Variants in ADGRB3 observed in about 807,000 individuals in gnomAD.
The protein encoded by ADGRB3 is adhesion G protein-coupled receptor B3.
A neutral mutation model predicts 193.4 loss-of-function variants in ADGRB3; 37 were observed. That is an observed-to-expected ratio of 0.19 (90% CI 0.15 to 0.25). ADGRB3 has a LOEUF of 0.25. ADGRB3 is among the 10% of genes least tolerant of loss of function. The pLI, the probability that ADGRB3 is intolerant of heterozygous loss-of-function variation, is 1.00. For synonymous variants in ADGRB3, 690 were observed against 644.2 expected (o/e 1.07, Z -1.08); for missense variants, 1,637 against 1,852.9 (o/e 0.88, Z 2.14).
chr6:68,827,217 G>C (rs1767861412), intron 3 of ADGRB3, among the ~76,000 whole-genome samples: 2 of 151,990 alleles, frequency 1.3e-5, no homozygotes, highest in South Asian at 4.2e-4. Context: ...TGTTAAGTGT[G>C]GTGTCCTGGA....
At chr6:69,220,893 A>G (rs922822803) in intron 17 of ADGRB3, among the ~76,000 whole-genome samples, 1 of 152,002 alleles carries the variant, frequency 6.6e-6, no homozygotes, top group African/African-American at 2.4e-5. Context: ...TTATCACTAA[A>G]TCACTATCTA....
chr6:68,752,340 A>C (rs1360112361), intron 3 of ADGRB3, among the ~76,000 whole-genome samples: 1 of 149,122 alleles, frequency 6.7e-6, no homozygotes, highest in Non-Finnish European at 1.5e-5. Context: ...GCAATGGTGC[A>C]ATCTCAGCTC....
intron 3 of ADGRB3, among the ~76,000 whole-genome samples, chr6:68,925,343 C>T (rs868763073): frequency 5.9e-5 from 9 of 151,928 alleles, no homozygotes; most frequent in Non-Finnish European, 1.2e-4. Flanking sequence ...GTCACTGTGC[C>T]ACTTCTGTTT....
chr6:69,139,561 G>A (rs1026091464), intron 17 of ADGRB3, among the ~76,000 whole-genome samples: 1 of 152,100 alleles, frequency 6.6e-6, no homozygotes, highest in Admixed American at 6.5e-5. Flanking sequence ...CTTATATATA[G>A]AAAATGCAGA....
intron 17 of ADGRB3, chr6:69,232,609 A>G: frequency 6.5e-7 from 1 of 1,535,654 alleles, no homozygotes; most frequent in African/African-American, 1.4e-5. Flanking sequence ...GACTGAGTGA[A>G]GTGTGGAGTA....
At chr6:69,100,895 A>C (rs1324340215) in intron 17 of ADGRB3, among the ~76,000 whole-genome samples, 2 of 104,186 alleles carry the variant, frequency 1.9e-5, no homozygotes, top group African/African-American at 4.1e-5. Flanking sequence ...GGAAGGAAGG[A>C]AGGAAGAAGC....
chr6:68,775,389 G>A (rs1192499566), intron 3 of ADGRB3, among the ~76,000 whole-genome samples: 1 of 152,026 alleles, frequency 6.6e-6, no homozygotes, highest in Non-Finnish European at 1.5e-5. Flanking sequence ...ACTAGACGTG[G>A]TTATAGAGAG....
At chr6:69,245,132 A>G (rs1766470667) in intron 20 of ADGRB3, among the ~76,000 whole-genome samples, 1 of 151,942 alleles carries the variant, frequency 6.6e-6, no homozygotes, top group Non-Finnish European at 1.5e-5. Context: ...CATGGAGTAA[A>G]TCTAATAAAT....
chr6:69,065,371 C>T (rs1771871250), intron 16 of ADGRB3, among the ~76,000 whole-genome samples: 1 of 152,152 alleles, frequency 6.6e-6, no homozygotes, highest in Admixed American at 6.6e-5. Flanking sequence ...ACAACTGAGC[C>T]TCTCTGGGCT....
intron 3 of ADGRB3, among the ~76,000 whole-genome samples, chr6:68,676,259 G>T (rs1769082845): frequency 6.6e-6 from 1 of 151,884 alleles, no homozygotes; most frequent in Admixed American, 6.6e-5. Context: ...GGGCGTGGTG[G>T]CGCGTGCCTG....
At chr6:69,211,552 T>C (rs553037433) in intron 17 of ADGRB3, among the ~76,000 whole-genome samples, 11 of 152,296 alleles carry the variant, frequency 7.2e-5, no homozygotes, top group Admixed American at 5.2e-4. Context: ...ATAAAAAATG[T>C]AACAACTGAG....
chr6:69,385,823 G>A (rs973581871), intron 31 of ADGRB3, among the ~76,000 whole-genome samples: 1 of 151,948 alleles, frequency 6.6e-6, no homozygotes, highest in Non-Finnish European at 1.5e-5. Context: ...TTGGACAATT[G>A]ACAATATTAC....
intron 17 of ADGRB3, among the ~76,000 whole-genome samples, chr6:69,100,157 A>C (rs1277437953): frequency 1.3e-5 from 2 of 152,154 alleles, no homozygotes; most frequent in Non-Finnish European, 1.5e-5. Context: ...TTTGCAAGGG[A>C]ATATTTCTGT....
chr6:68,952,780 A>AC (rs5877181), intron 6 of ADGRB3, among the ~76,000 whole-genome samples: 18,878 of 152,180 alleles, frequency 0.12, 1,376 homozygotes, highest in East Asian at 0.29. Context: ...TTTCTCTGTT[A>AC]CTGACTTTGT....
intron 11 of ADGRB3, among the ~76,000 whole-genome samples, chr6:68,995,839 G>C (rs1471138131): frequency 6.6e-6 from 1 of 152,054 alleles, no homozygotes; most frequent in Non-Finnish European, 1.5e-5. Context: ...CTGAACTCCA[G>C]ATGACCAACC....
chr6:69,153,338 CT>C (rs751571358), intron 17 of ADGRB3, among the ~76,000 whole-genome samples: 1 of 152,050 alleles, frequency 6.6e-6, no homozygotes, highest in Non-Finnish European at 1.5e-5. Context: ...ATTGTTGTCT[CT>C]TTTTCAAGCT....
chr6:69,255,523 G>A (rs373196744), intron 20 of ADGRB3, among the ~76,000 whole-genome samples: 2 of 152,094 alleles, frequency 1.3e-5, no homozygotes, highest in African/African-American at 4.8e-5. Flanking sequence ...GTCTGTTCAT[G>A]TCCTTTGCCC....
chr6:69,275,620 T>C (rs948851725), intron 20 of ADGRB3, among the ~76,000 whole-genome samples: 7 of 151,860 alleles, frequency 4.6e-5, no homozygotes, highest in Non-Finnish European at 1.0e-4. Flanking sequence ...TGCAAAAAAG[T>C]CTCCTATAAA....
At chr6:69,296,781 C>T (rs1008040439) in intron 20 of ADGRB3, among the ~76,000 whole-genome samples, 1 of 152,066 alleles carries the variant, frequency 6.6e-6, no homozygotes, top group Non-Finnish European at 1.5e-5. Flanking sequence ...GTTCATAGAG[C>T]TCTCAGCAGA....
Sources: allele counts gnomAD v4.1 joint callset (sites outside exome capture counted in the v4.1 genomes callset), GRCh38; gene constraint gnomAD v4.1.1; transcripts MANE v1.5; gene names NCBI Gene and HGNC (gene_info 2026-07-23, HGNC 2026-07-21).